Variants in STARD13 observed in about 807,000 individuals in gnomAD.
STARD13 encodes the protein StAR related lipid transfer domain containing 13, also known as stAR-related lipid transfer protein 13.
In STARD13, 62 loss-of-function variants were observed where a neutral mutation model predicts 106.4. That is an observed-to-expected ratio of 0.58 (90% CI 0.48 to 0.72). The LOEUF (loss-of-function observed/expected upper bound fraction) is 0.72. Among genes scored for constraint, STARD13 ranks in the 30% least tolerant of loss-of-function variants. The pLI, the probability that STARD13 is intolerant of heterozygous loss-of-function variation, is 0.00. For synonymous variants in STARD13, 565 were observed against 553.0 expected (o/e 1.02, Z -0.31); for missense variants, 1,387 against 1,424.0 (o/e 0.97, Z 0.42).
At chr13:33,597,450 C>T in the STARD13 span, among the ~76,000 whole-genome samples, 1 of 151,910 alleles carries the variant, frequency 6.6e-6, no homozygotes, top group Non-Finnish European at 1.5e-5. Flanking sequence ...TGTGTTTCTA[C>T]ATTCTTGGTT....
the STARD13 span, among the ~76,000 whole-genome samples, chr13:33,607,401 G>A: frequency 1.3e-5 from 2 of 151,240 alleles, no homozygotes; most frequent in Non-Finnish European, 2.9e-5. Context: ...GGGTTCAAAT[G>A]ATTCTCCTGC....
At chr13:33,589,227 G>A in the STARD13 span, among the ~76,000 whole-genome samples, 1 of 151,928 alleles carries the variant, frequency 6.6e-6, no homozygotes. Context: ...TATCAATTTT[G>A]TCAATCTTTT....
the STARD13 span, among the ~76,000 whole-genome samples, chr13:33,489,679 G>A: frequency 2.6e-5 from 4 of 152,222 alleles, no homozygotes; most frequent in South Asian, 2.1e-4. Flanking sequence ...CAGCTTCTAC[G>A]GCCAAAATGG....
chr13:33,616,355 C>T, the STARD13 span, among the ~76,000 whole-genome samples: 1,127 of 152,268 alleles, frequency 7.4e-3, 14 homozygotes, highest in African/African-American at 0.024. Flanking sequence ...AAAGTGAGAT[C>T]TCTAGGGACA....
chr13:33,500,730 A>T, the STARD13 span, among the ~76,000 whole-genome samples: 30 of 152,314 alleles, frequency 2.0e-4, no homozygotes, highest in Non-Finnish European at 4.3e-4. Flanking sequence ...GCTGCCAAGT[A>T]TTATTAAAGT....
intron 1 of STARD13, among the ~76,000 whole-genome samples, chr13:33,218,326 TA>T: frequency 6.6e-6 from 1 of 152,280 alleles, no homozygotes; most frequent in East Asian, 1.9e-4. Flanking sequence ...TGTTTTGGGT[TA>T]AGTGAAGGTT....
At chr13:33,298,323 T>G (rs1892579979) in intron 1 of STARD13, among the ~76,000 whole-genome samples, 1 of 149,842 alleles carries the variant, frequency 6.7e-6, no homozygotes, top group South Asian at 2.1e-4. Context: ...GTATTTTTAG[T>G]AGAGACAGGG....
At chr13:33,648,791 T>C in the STARD13 span, among the ~76,000 whole-genome samples, 2 of 142,288 alleles carry the variant, frequency 1.4e-5, no homozygotes, top group Non-Finnish European at 3.1e-5. Context: ...TTCTTTTTTT[T>C]TTTTTTTTTT....
Position 33,285,623 on chromosome 13 carries a change from G to A in STARD13, c.16C>T (p.Pro6Ser), listed in dbSNP as rs752833047. 1.2e-6 allele frequency: 2 copies of A among 1,613,142 alleles called. No individual in the cohort carries two copies. The highest frequency in any genetic ancestry group is 1.7e-6 in the Non-Finnish European group (2 of 1,179,856). ...TAGCAGCCTGAGGCTGGGGTCCTGG[G>A]CACCTGACTGAACATCTCGGCAGAT... MFSQV[P>S]RTPASGCYYL... Residue 6 changes from proline (P) to serine (S), a missense_variant, in exon 1 of 14, where the codon CCC becomes TCC. Physicochemically the swap from Pro to Ser is moderately conservative, Grantham distance 74 (BLOSUM62 -1). Coordinates refer to ENST00000336934, the MANE Select transcript of STARD13 (RefSeq NM_178006.4).
At chr13:33,671,609 A>G in the STARD13 span, among the ~76,000 whole-genome samples, 1 of 152,106 alleles carries the variant, frequency 6.6e-6, no homozygotes, top group Non-Finnish European at 1.5e-5. Flanking sequence ...GCATACTTTT[A>G]TTCCCAGCTA....
At chr13:33,360,266 G>A in the STARD13 span, among the ~76,000 whole-genome samples, 1 of 151,040 alleles carries the variant, frequency 6.6e-6, no homozygotes, top group Non-Finnish European at 1.5e-5. Flanking sequence ...GTGCCATGGC[G>A]CCATCTTGGC....
At position 33,103,723 on chromosome 13, in the gene STARD13, G is replaced by A. The variant is rs1248842491; in HGVS notation, c.*1870C>T. The A allele has an allele frequency of 6.6e-6, 1 of 152,430 alleles. No homozygotes were observed. Among genetic ancestry groups the A allele is most frequent in the African/African-American group, 2.4e-5 (1 of 41,430 alleles). 9.4% of individuals were successfully genotyped at this position (152,430 alleles called of 1,614,324 possible). A position where few individuals can be genotyped will look rare whatever the true frequency, so the allele number is the denominator to read the frequency against. ...CCACTCATCCTCGTGTGCCTATCAC[G>A]TTTTCCAAACACATAGGATCCCATC... On this transcript the variant is annotated 3_prime_UTR_variant, in exon 14 of 14. Coordinates refer to ENST00000336934, the MANE Select transcript of STARD13 (RefSeq NM_178006.4).
intron 1 of STARD13, among the ~76,000 whole-genome samples, chr13:33,213,162 A>C (rs1467072405): frequency 6.6e-6 from 1 of 152,190 alleles, no homozygotes; most frequent in Admixed American, 6.5e-5. Flanking sequence ...CAATGCTAAG[A>C]ATTTCATTCC....
At chr13:33,644,634 G>A in the STARD13 span, among the ~76,000 whole-genome samples, 1 of 152,154 alleles carries the variant, frequency 6.6e-6, no homozygotes, top group Non-Finnish European at 1.5e-5. Flanking sequence ...TCAGTTCCTA[G>A]AGCTGACAGA....
the STARD13 span, among the ~76,000 whole-genome samples, chr13:33,441,067 C>T: frequency 6.6e-6 from 1 of 152,088 alleles, no homozygotes. Context: ...GTCTATGTTC[C>T]CTCTGTCTTG....
intron 1 of STARD13, among the ~76,000 whole-genome samples, chr13:33,258,415 T>C (rs1594177371): frequency 6.6e-6 from 1 of 151,882 alleles, no homozygotes; most frequent in South Asian, 2.1e-4. Flanking sequence ...AATAGTTTAA[T>C]GGCTATGAAG....
intron 1 of STARD13, among the ~76,000 whole-genome samples, chr13:33,337,618 C>G (rs1272496037): frequency 1.3e-5 from 2 of 152,110 alleles, no homozygotes; most frequent in East Asian, 3.9e-4. Flanking sequence ...GGGGGTTCAC[C>G]TTCCCCAAAA....
At chr13:33,607,725 C>A in the STARD13 span, among the ~76,000 whole-genome samples, 4 of 152,078 alleles carry the variant, frequency 2.6e-5, no homozygotes, top group African/African-American at 9.6e-5. Context: ...TTTATGCAAA[C>A]TATTAGAACA....
At chr13:33,402,476 C>G in the STARD13 span, among the ~76,000 whole-genome samples, 1 of 152,222 alleles carries the variant, frequency 6.6e-6, no homozygotes, top group Non-Finnish European at 1.5e-5. Flanking sequence ...ATGGAAATGG[C>G]TAGAAGATGG....
Sources: gnomAD v4.1 joint callset for allele counts (sites outside exome capture counted in the v4.1 genomes callset) on GRCh38, gnomAD v4.1.1 for gene constraint, MANE v1.5 for transcripts, NCBI Gene and HGNC (gene_info 2026-07-23, HGNC 2026-07-21) for gene names.